Variants in ADGRV1 observed in about 807,000 individuals in gnomAD.
ADGRV1 encodes G-protein coupled receptor 98.
In ADGRV1, 359 loss-of-function variants were observed where a neutral mutation model predicts 596.2. That is an observed-to-expected ratio of 0.60 (90% CI 0.55 to 0.66). ADGRV1 has a LOEUF of 0.66. Among genes scored for constraint, ADGRV1 ranks in the 30% least tolerant of loss-of-function variants. The pLI is 0.00. For missense variants in ADGRV1, 7,274 were observed against 7,575.6 expected, an observed-to-expected ratio of 0.96 and a Z score of 1.48; for synonymous variants, 2,681 against 2,679.2, an observed-to-expected ratio of 1.00 and a Z score of -0.02.
At chr5:90,826,641 G>A (rs1263989858) in intron 76 of ADGRV1, among the ~76,000 whole-genome samples, 1 of 151,750 alleles carries the variant, frequency 6.6e-6, no homozygotes, top group Non-Finnish European at 1.5e-5. Context: ...AGAATGGATG[G>A]AGATGGAGCC....
At chr5:90,940,264 T>C (rs1776061229) in intron 83 of ADGRV1, among the ~76,000 whole-genome samples, 1 of 152,360 alleles carries the variant, frequency 6.6e-6, no homozygotes, top group South Asian at 2.1e-4. Flanking sequence ...TTTTGTGAAA[T>C]ACAAGAGCAC....
intron 82 of ADGRV1, among the ~76,000 whole-genome samples, chr5:90,859,953 A>G (rs1461760473): frequency 1.3e-5 from 2 of 151,434 alleles, no homozygotes; most frequent in Non-Finnish European, 2.9e-5. Context: ...TTAGCCAAAC[A>G]TGATGGCACA....
chr5:91,130,454 A>G lies in ADGRV1; in HGVS notation c.18433-19576A>G, dbSNP rs572216493. On this transcript the variant is annotated intron_variant, in intron 87 of 89. Coordinates refer to ENST00000405460, the MANE Select transcript of ADGRV1 (RefSeq NM_032119.4). ...GGAGAATTGCTTGAGCCCGGGAGGC[A>G]GAGGTTGCAGTGAGCCGAGATTGTG... 2.1e-5 allele frequency among the ~76,000 whole-genome samples: 3 copies of G among 142,328 alleles called. No individual in the cohort carries two copies. The East Asian group carries it at 6.6e-4, about 31-fold the overall frequency. 93.4% of individuals were successfully genotyped at this position (142,328 alleles called of 152,430 possible).
chr5:91,023,097 C>CATTA (rs1213236878), intron 85 of ADGRV1, among the ~76,000 whole-genome samples: 1 of 152,106 alleles, frequency 6.6e-6, no homozygotes, highest in Non-Finnish European at 1.5e-5. Flanking sequence ...GAAGATACCA[C>CATTA]AGATAAAAAC....
intron 21 of ADGRV1, among the ~76,000 whole-genome samples, chr5:90,664,610 T>A (rs1209531400): frequency 7.3e-6 from 1 of 137,572 alleles, no homozygotes; most frequent in Non-Finnish European, 1.5e-5. Context: ...TTTATTTCCT[T>A]CTCCTGCCTA....
intron 85 of ADGRV1, chr5:91,030,954 T>C: frequency 9.1e-7 from 1 of 1,093,704 alleles, no homozygotes. Context: ...CTGGCAGTTT[T>C]GTAATCAAAG....
chr5:91,065,244 G>A (rs7706034), intron 85 of ADGRV1, among the ~76,000 whole-genome samples: 89,052 of 152,030 alleles, frequency 0.59, 26,805 homozygotes, highest in South Asian at 0.68. Context: ...ATCTTTTAAT[G>A]TAGAGGCTAT....
chr5:90,923,756 A>G (rs1228990776), intron 83 of ADGRV1, among the ~76,000 whole-genome samples: 1 of 151,962 alleles, frequency 6.6e-6, no homozygotes, highest in Non-Finnish European at 1.5e-5. Flanking sequence ...CATTAGTTAT[A>G]TCTCCCAGTG....
chr5:90,931,249 G>A (rs1287664344), intron 83 of ADGRV1: 1 of 152,374 alleles, frequency 6.6e-6, no homozygotes, highest in East Asian at 1.9e-4. Flanking sequence ...AAGTCATGGG[G>A]GATGAGGCTG....
At position 90,614,828 on chromosome 5, in the gene ADGRV1, G is replaced by C. The variant is rs1290858127; in HGVS notation, c.23-7G>C. The C allele has an allele frequency of 6.3e-7, 1 of 1,595,420 alleles. No individual in the cohort carries two copies. Among genetic ancestry groups the C allele is most frequent in the Non-Finnish European group, 8.6e-7 (1 of 1,165,766 alleles). On this transcript the variant is annotated splice_region_variant and splice_polypyrimidine_tract_variant and intron_variant, in intron 1 of 89. Coordinates refer to ENST00000405460, the MANE Select transcript of ADGRV1 (RefSeq NM_032119.4). ...TTGTGAATAATATTTTTTTCTTTTT[G>C]TTTTAGGGATGCCCTCTGCATCTTT... is the stretch of plus-strand genomic sequence containing the variant.
chr5:90,810,344 A>G lies in ADGRV1; in HGVS notation c.15084A>G (p.Gln5028=). 6.2e-7 allele frequency: 1 copy of G among 1,613,344 alleles called. No individual in the cohort carries two copies. ...CACAGATGATCAGATTACATGTACA[A>G]AGACTATTTGGGTTCCACAGCGATC... ...EDTQMIRLHV[Q]RLFGFHSDLI... is the part of the protein sequence containing the mutation. The change falls in exon 74 of 90, where the codon CAA becomes CAG. Residue 5028 remains glutamine, a synonymous_variant. Transcript: ENST00000405460.
At chr5:90,854,294 C>A in intron 81 of ADGRV1, 93 bp downstream of exon 81, 1 of 837,434 alleles carries the variant, frequency 1.2e-6, no homozygotes, top group Non-Finnish European at 1.8e-6. Context: ...TAGATGGTGG[C>A]CCCAGATGAC....
At chr5:90,777,706 C>A (rs1267792674) in intron 61 of ADGRV1, among the ~76,000 whole-genome samples, 199 bp from the exon 62 acceptor site, 2 of 152,136 alleles carry the variant, frequency 1.3e-5, no homozygotes, top group Non-Finnish European at 2.9e-5. Context: ...GATAGATTTA[C>A]ACTAGCTTAA....
chr5:90,585,529 G>C (rs1200761506), intron 1 of ADGRV1, among the ~76,000 whole-genome samples: 1 of 152,234 alleles, frequency 6.6e-6, no homozygotes, highest in South Asian at 2.1e-4. Flanking sequence ...AGGGCAAATG[G>C]AAGTGAGCCC....
intron 29 of ADGRV1, among the ~76,000 whole-genome samples, 153 bp downstream of exon 29, chr5:90,686,148 A>G (rs1745601140): frequency 7.0e-6 from 1 of 143,158 alleles, no homozygotes; most frequent in African/African-American, 2.7e-5. Flanking sequence ...GGACAAATCT[A>G]GAGTCTTTTT....
At chr5:91,135,740 G>A (rs915302567) in intron 87 of ADGRV1, among the ~76,000 whole-genome samples, 2 of 152,148 alleles carry the variant, frequency 1.3e-5, no homozygotes, top group South Asian at 2.1e-4. Flanking sequence ...GCTGGGCTAC[G>A]ACATTGCAGA....
intron 87 of ADGRV1, among the ~76,000 whole-genome samples, chr5:91,114,346 G>C (rs1375798222): frequency 6.6e-6 from 1 of 152,096 alleles, no homozygotes; most frequent in African/African-American, 2.4e-5. Context: ...GGCCAACATG[G>C]TGAAACCCCA....
intron 83 of ADGRV1, among the ~76,000 whole-genome samples, chr5:90,965,211 T>C (rs1308516747): frequency 6.6e-6 from 1 of 152,196 alleles, no homozygotes; most frequent in Non-Finnish European, 1.5e-5. Context: ...TAATTTCATA[T>C]CATGCGCTGT....
intron 85 of ADGRV1, among the ~76,000 whole-genome samples, chr5:91,011,983 C>A (rs982262934): frequency 1.3e-5 from 2 of 151,884 alleles, no homozygotes; most frequent in Non-Finnish European, 2.9e-5. Context: ...ATAAAATTAC[C>A]CTTTCTTTTT....
Sources: allele counts gnomAD v4.1 joint callset (sites outside exome capture counted in the v4.1 genomes callset), GRCh38; gene constraint gnomAD v4.1.1; transcripts MANE v1.5; gene names NCBI Gene and HGNC (gene_info 2026-07-23, HGNC 2026-07-21).